NRG3: variants seen among roughly 807,000 people sequenced by gnomAD.
The protein encoded by NRG3 is neuregulin 3.
A neutral mutation model predicts 66.9 loss-of-function variants in NRG3; 31 were observed. The observed-to-expected ratio is 0.46, with a 90% CI of 0.35 to 0.63. The LOEUF (loss-of-function observed/expected upper bound fraction) is 0.63. Among genes scored for constraint, NRG3 ranks in the 20% least tolerant of loss-of-function variants. The pLI, the probability that NRG3 is intolerant of heterozygous loss-of-function variation, is 0.00. For missense variants in NRG3, 910 were observed against 878.9 expected (o/e 1.04, Z -0.45); for synonymous variants, 393 against 359.4 (o/e 1.09, Z -1.06).
At chr10:81,972,584 TTAAAA>T (rs1339854998) in intron 1 of NRG3, among the ~76,000 whole-genome samples, 1 of 152,034 alleles carries the variant, frequency 6.6e-6, no homozygotes, top group Non-Finnish European at 1.5e-5. Context: ...AAATAATTAT[TTAAAA>T]TAAAGTAATA....
At chr10:82,815,406 A>C (rs1291699510) in intron 3 of NRG3, among the ~76,000 whole-genome samples, 2 of 152,168 alleles carry the variant, frequency 1.3e-5, no homozygotes, top group Non-Finnish European at 2.9e-5. Flanking sequence ...TGTTCACTTA[A>C]AAGCTTACAA....
chr10:82,623,100 G>C (rs2049151940), intron 2 of NRG3, among the ~76,000 whole-genome samples: 1 of 151,966 alleles, frequency 6.6e-6, no homozygotes, highest in African/African-American at 2.4e-5. Context: ...ATTTCACCCA[G>C]GGTACCACTA....
chr10:82,232,803 G>A (rs768444620), intron 1 of NRG3: 122 of 717,266 alleles, frequency 1.7e-4, no homozygotes, highest in Non-Finnish European at 3.0e-4. Context: ...TGGTCAGGAG[G>A]CAGAAACAGG....
At chr10:82,392,898 A>ATATT (rs781243048) in intron 2 of NRG3, among the ~76,000 whole-genome samples, 1 of 150,128 alleles carries the variant, frequency 6.7e-6, no homozygotes, top group African/African-American at 2.5e-5. Flanking sequence ...ATATATATAT[A>ATATT]TTTTTTGCAG....
At chr10:82,015,646 G>T (rs1039919864) in intron 1 of NRG3, among the ~76,000 whole-genome samples, 1 of 151,944 alleles carries the variant, frequency 6.6e-6, no homozygotes, top group Non-Finnish European at 1.5e-5. Context: ...CTTGGAAGAA[G>T]GTGACTTAAT....
chr10:82,752,156 A>C (rs2058892024), intron 3 of NRG3, among the ~76,000 whole-genome samples: 1 of 152,194 alleles, frequency 6.6e-6, no homozygotes. Flanking sequence ...CTTTGCTAAG[A>C]ATTATGGATA....
At chr10:82,700,611 A>T (rs1247125086) in intron 2 of NRG3, among the ~76,000 whole-genome samples, 4 of 152,134 alleles carry the variant, frequency 2.6e-5, no homozygotes, top group African/African-American at 9.7e-5. Context: ...AATTAGTATG[A>T]TGTCAGCTGG....
chr10:82,321,923 C>G (rs1026272362), intron 1 of NRG3, among the ~76,000 whole-genome samples: 3 of 152,144 alleles, frequency 2.0e-5, no homozygotes, highest in African/African-American at 7.2e-5. Context: ...CCTGGGGCAT[C>G]AAAGTGCTGT....
At chr10:82,699,431 T>C (rs1038383883) in intron 2 of NRG3, among the ~76,000 whole-genome samples, 1 of 152,074 alleles carries the variant, frequency 6.6e-6, no homozygotes, top group Non-Finnish European at 1.5e-5. Flanking sequence ...TAACGTTCTT[T>C]AGCTACAGGC....
At position 82,293,196 on chromosome 10, in the gene NRG3, A is replaced by T. The variant is rs77163632; in HGVS notation, c.824-65543A>T. On this transcript the variant is annotated intron_variant, in intron 1 of 8. Coordinates refer to ENST00000372141, the MANE Select transcript of NRG3 (RefSeq NM_001010848.4). ...CCTCAGCCTCCGTCCCAGATGGTCT[A>T]CGTTGAGTTCAATTTTTTGTTAAGT... Among the ~76,000 whole-genome samples, 774 of 152,266 alleles carry T rather than the reference A, an allele frequency of 5.1e-3. 4 individuals carry two copies. Among genetic ancestry groups the T allele is most frequent in the African/African-American group, 0.018 (741 of 41,554 alleles).
intron 2 of NRG3, among the ~76,000 whole-genome samples, chr10:82,470,350 G>T (rs746582915): frequency 3.3e-5 from 5 of 152,172 alleles, no homozygotes; most frequent in African/African-American, 1.2e-4. Context: ...TCACACAAGT[G>T]GCTGAAACCC....
chr10:82,403,328 A>C (rs1020580116), intron 2 of NRG3, among the ~76,000 whole-genome samples: 1 of 152,168 alleles, frequency 6.6e-6, no homozygotes, highest in Non-Finnish European at 1.5e-5. Context: ...GCAGCAAAAA[A>C]ATACACACTC....
At chr10:82,229,899 T>A (rs1010351229) in intron 1 of NRG3, among the ~76,000 whole-genome samples, 3 of 151,892 alleles carry the variant, frequency 2.0e-5, no homozygotes, top group Non-Finnish European at 4.4e-5. Context: ...ACGGAAAATA[T>A]CAAAAAGCAT....
intron 2 of NRG3, among the ~76,000 whole-genome samples, chr10:82,521,999 G>A (rs1846234000): frequency 6.7e-6 from 1 of 148,352 alleles, no homozygotes; most frequent in Non-Finnish European, 1.5e-5. Flanking sequence ...TAGTTTTGTT[G>A]CAGTTTCCAC....
intron 1 of NRG3, among the ~76,000 whole-genome samples, chr10:82,348,432 G>C (rs1196503716): frequency 6.7e-6 from 1 of 149,488 alleles, no homozygotes; most frequent in Non-Finnish European, 1.5e-5. Context: ...TCTGCTGAGA[G>C]ATCCGCTGTT....
At chr10:82,575,750 G>A (rs1394102424) in intron 2 of NRG3, among the ~76,000 whole-genome samples, 3 of 151,772 alleles carry the variant, frequency 2.0e-5, no homozygotes, top group Non-Finnish European at 4.4e-5. Context: ...CAGATCATTT[G>A]ATATCAGAAG....
At chr10:82,462,072 G>A (rs576308880) in intron 2 of NRG3, among the ~76,000 whole-genome samples, 615 of 152,140 alleles carry the variant, frequency 4.0e-3, no homozygotes, top group Non-Finnish European at 5.7e-3. Flanking sequence ...CGGAGGTGGC[G>A]GTGAGCTGAG....
chr10:82,744,507 C>A (rs1439980344), intron 3 of NRG3, among the ~76,000 whole-genome samples: 7 of 152,124 alleles, frequency 4.6e-5, no homozygotes, highest in African/African-American at 1.7e-4. Flanking sequence ...CGATCTATCA[C>A]CTCCCAAAGG....
At chr10:82,696,938 C>T (rs1279145808) in intron 2 of NRG3, among the ~76,000 whole-genome samples, 2 of 152,088 alleles carry the variant, frequency 1.3e-5, no homozygotes, top group African/African-American at 4.8e-5. Flanking sequence ...GAAAAACGTC[C>T]CTCCATTGCA....
Sources: gnomAD v4.1 joint callset for allele counts (sites outside exome capture counted in the v4.1 genomes callset) on GRCh38, gnomAD v4.1.1 for gene constraint, MANE v1.5 for transcripts, NCBI Gene and HGNC (gene_info 2026-07-23, HGNC 2026-07-21) for gene names.